The following AGAP1 variants were observed in gnomAD, a reference collection of about 807,000 sequenced individuals.
AGAP1 encodes the protein ArfGAP with GTPase domain, ankyrin repeat and PH domain 1, also known as arf-GAP with GTPase, ANK repeat and PH domain-containing protein 1.
AGAP1 carries 29 observed loss-of-function variants against 105.3 expected under a neutral mutation model. That is an observed-to-expected ratio of 0.28 (90% CI 0.21 to 0.38). The LOEUF (loss-of-function observed/expected upper bound fraction) is 0.38. Among genes scored for constraint, AGAP1 ranks in the 10% least tolerant of loss-of-function variants. The pLI, the probability that AGAP1 is intolerant of heterozygous loss-of-function variation, is 1.00. For synonymous variants in AGAP1, 509 were observed against 485.9 expected, an observed-to-expected ratio of 1.05 and a Z score of -0.63; for missense variants, 998 against 1,165.1, an observed-to-expected ratio of 0.86 and a Z score of 2.09.
At chr2:235,991,373 T>G (rs1487666769) in intron 13 of AGAP1, among the ~76,000 whole-genome samples, 1 of 152,152 alleles carries the variant, frequency 6.6e-6, no homozygotes, top group Non-Finnish European at 1.5e-5. Flanking sequence ...ATCAGAAAAT[T>G]GGACAGTTTT....
At chr2:236,102,401 G>A (rs1175883674) in intron 16 of AGAP1, among the ~76,000 whole-genome samples, 1 of 136,766 alleles carries the variant, frequency 7.3e-6, no homozygotes, top group African/African-American at 2.8e-5. Context: ...CTGGGCGACA[G>A]AGCGAGACTC....
rs1480125240 is a variant in AGAP1, at chr2:235,610,761, G to T, written c.164-98418G>T. Among the ~76,000 whole-genome samples, 1 of 152,106 alleles carries T rather than the reference G, an allele frequency of 6.6e-6. No individual in the cohort carries two copies. The highest frequency in any genetic ancestry group is 2.4e-5 in the African/African-American group (1 of 41,416). ...CCCTGCCCTGGAGTGGAAACCCTGG[G>T]CTGGGGAGGAGGTGCGCTAAGACTG... On this transcript the variant is annotated intron_variant, in intron 1 of 17. Coordinates refer to ENST00000304032, the MANE Select transcript of AGAP1 (RefSeq NM_001037131.3). This position sits in a 1 kb window ranked among gnomAD's most constrained non-coding sequence, Gnocchi z 4.9.
In AGAP1 at chr2:236,058,175, G is replaced by C. The variant is rs534006870; in HGVS notation, c.2114+8894G>C. 7.2e-5 allele frequency among the ~76,000 whole-genome samples: 11 copies of C among 152,288 alleles called. No homozygotes were observed. In the South Asian group the frequency reaches 1.9e-3, roughly 26 times the overall value. ...ATTAAAGTTTGAGACACTCTGGTCT[G>C]CACTAAGTAGTAAAAATAAAAGTCC... On this transcript the variant is annotated intron_variant, in intron 16 of 17. Coordinates refer to ENST00000304032, the MANE Select transcript of AGAP1 (RefSeq NM_001037131.3). The surrounding 1 kb of genome is among the most constrained non-coding windows in gnomAD (Gnocchi z 4.6).
Position 235,988,501 on chromosome 2 carries a change from C to T in AGAP1, c.1645+19878C>T, listed in dbSNP as rs986218915. Reference sequence around the variant, plus strand: ...TCAGGAAGTGATTTCTGAACTTTAGCGTAAGTGTTCTCTGGCAGGTATGGC... The same window carrying T: ...TCAGGAAGTGATTTCTGAACTTTAGTGTAAGTGTTCTCTGGCAGGTATGGC... On this transcript the variant is annotated intron_variant, in intron 13 of 17. Transcript: ENST00000304032. The surrounding 1 kb of genome is among the most constrained non-coding windows in gnomAD (Gnocchi z 4.7). Among the ~76,000 whole-genome samples the T allele has an allele frequency of 2.6e-5, 4 of 152,178 alleles. No homozygotes were observed. Among genetic ancestry groups the T allele is most frequent in the Middle Eastern group, 3.4e-3 (1 of 294 alleles).
chr2:235,670,814 C>T, intron 1 of AGAP1: 3 of 1,428,964 alleles, frequency 2.1e-6, no homozygotes, highest in Non-Finnish European at 2.8e-6. Context: ...GAACCGCACG[C>T]TGGACAACAG....
chr2:235,676,721 T>C (rs917630908), intron 1 of AGAP1, among the ~76,000 whole-genome samples: 1 of 152,264 alleles, frequency 6.6e-6, no homozygotes, highest in Non-Finnish European at 1.5e-5. Flanking sequence ...TTGTTTCTGA[T>C]AGGAATTCTC....
intron 11 of AGAP1, among the ~76,000 whole-genome samples, chr2:235,920,508 G>A (rs1263309078): frequency 2.0e-5 from 3 of 152,020 alleles, no homozygotes; most frequent in Admixed American, 6.6e-5. Flanking sequence ...CATTGGCATC[G>A]CTCTGATCAT....
Position 235,645,851 on chromosome 2 carries a change from C to T in AGAP1, c.164-63328C>T, listed in dbSNP as rs558781184. Among the ~76,000 whole-genome samples the T allele has an allele frequency of 6.6e-5, 10 of 152,198 alleles. No homozygotes were observed. In the South Asian group the frequency reaches 1.9e-3, roughly 28 times the overall value. ...TTAGAGAGCTTTTCTAATTTTTGAG[C>T]GAGGGTCTTGTCTGAGAATTATAGC... is the stretch of plus-strand genomic sequence containing the variant. On this transcript the variant is annotated intron_variant, in intron 1 of 17. Transcript: ENST00000304032.
Position 235,642,992 on chromosome 2 carries a change from C to T in AGAP1, c.164-66187C>T, listed in dbSNP as rs536012313. On this transcript the variant is annotated intron_variant, in intron 1 of 17. Transcript: ENST00000304032. This position sits in a 1 kb window ranked among gnomAD's most constrained non-coding sequence, Gnocchi z 4.1. ...GTGGAGGTGACTGTAGGATTAGCCC[C>T]GGCTTTGCAGCAGGTTTTCTTGGGA... Among the ~76,000 whole-genome samples, 10 of 152,212 alleles carry T rather than the reference C, an allele frequency of 6.6e-5. 1 individual carries two copies. The highest frequency in any genetic ancestry group is 6.2e-4 in the South Asian group (3 of 4,816).
rs1490308597 is a variant in AGAP1, at chr2:235,615,489, C to T, written c.164-93690C>T. ...TAGGCAGAGAATTTATTAAATCTTG[C>T]CTAAATTTATCCGTAAGCATGGATC... is the stretch of plus-strand genomic sequence containing the variant. On this transcript the variant is annotated intron_variant, in intron 1 of 17. Transcript: ENST00000304032. The surrounding 1 kb of genome is among the most constrained non-coding windows in gnomAD (Gnocchi z 5.0). Among the ~76,000 whole-genome samples, 2 of 152,110 alleles carry T rather than the reference C, an allele frequency of 1.3e-5. No homozygotes were observed. The highest frequency in any genetic ancestry group is 4.8e-5 in the African/African-American group (2 of 41,414).
rs1311581238 is a variant in AGAP1 at position 235,555,494 on chromosome 2, G to C, written c.163+60645G>C. Reference sequence around the variant, plus strand: ...CACATCCAGGGCTGGACTGGGGCCGGCATGGGGGTCACTGGCTGCAAGCGA... The same window carrying C: ...CACATCCAGGGCTGGACTGGGGCCGCCATGGGGGTCACTGGCTGCAAGCGA... On this transcript the variant is annotated intron_variant, in intron 1 of 17. Transcript: ENST00000304032. This position sits in a 1 kb window ranked among gnomAD's most constrained non-coding sequence, Gnocchi z 5.1. 1.3e-5 allele frequency among the ~76,000 whole-genome samples: 2 copies of C among 152,186 alleles called. No homozygotes were observed. The highest frequency in any genetic ancestry group is 2.9e-5 in the Non-Finnish European group (2 of 68,026).
intron 1 of AGAP1, among the ~76,000 whole-genome samples, chr2:235,570,966 G>A (rs1039133096): frequency 6.6e-6 from 1 of 152,218 alleles, no homozygotes; most frequent in African/African-American, 2.4e-5. Flanking sequence ...TCTGCAGGCT[G>A]TACAGGAAGC....
rs576121505 is a variant in AGAP1, at chr2:235,845,313, A to T, written c.1050+37982A>T. ...CTGTAACTAATCCAGCTCAGACCAC[A>T]TGTATGGTGTGCTCAGGGGACCCCC... is the stretch of plus-strand genomic sequence containing the variant. On this transcript the variant is annotated intron_variant, in intron 9 of 17. Transcript: ENST00000304032. This position sits in a 1 kb window ranked among gnomAD's most constrained non-coding sequence, Gnocchi z 4.8. 2.6e-5 allele frequency among the ~76,000 whole-genome samples: 4 copies of T among 152,166 alleles called. No individual in the cohort carries two copies. The highest frequency in any genetic ancestry group is 6.5e-5 in the Admixed American group (1 of 15,290).
intron 16 of AGAP1, among the ~76,000 whole-genome samples, chr2:236,110,888 A>G (rs1048312221): frequency 1.3e-5 from 2 of 152,202 alleles, no homozygotes; most frequent in Admixed American, 6.5e-5. Flanking sequence ...TGGAGGCTGG[A>G]AAGTCCAAGA....
At position 235,571,932 on chromosome 2, in the gene AGAP1, TTGTGTGTG is replaced by T. The variant is rs141898525; in HGVS notation, c.163+77103_163+77110del. On this transcript the variant is annotated intron_variant, in intron 1 of 17. Transcript: ENST00000304032. ...TCTTTAAAGTTGTCTTGCCCACACT[TTGTGTGTG>T]TGTGTGTGTGTGTGTGTGTATACAT... 2.6e-4 allele frequency among the ~76,000 whole-genome samples: 27 copies of T among 103,656 alleles called. 1 individual carries two copies. The highest frequency in any genetic ancestry group is 6.5e-4 in the African/African-American group (16 of 24,484). The allele number at this position is 103,656 out of a possible 152,430, so 68.0% of individuals were successfully genotyped here.
intron 1 of AGAP1, among the ~76,000 whole-genome samples, chr2:235,568,648 G>C (rs1056189863): frequency 6.6e-6 from 1 of 152,198 alleles, no homozygotes; most frequent in African/African-American, 2.4e-5. Flanking sequence ...TCTTGCTGCT[G>C]CTGTAACAGA....
intron 1 of AGAP1, among the ~76,000 whole-genome samples, chr2:235,644,386 CTTG>C (rs1340254566): frequency 2.0e-5 from 3 of 152,136 alleles, no homozygotes; most frequent in African/African-American, 7.2e-5. Context: ...CCTGAGAGCT[CTTG>C]TTGATGTTTA....
rs1950489804 is a variant in AGAP1, at chr2:235,705,404, C to T, written c.164-3775C>T. Among the ~76,000 whole-genome samples the T allele has an allele frequency of 6.6e-6, 1 of 152,176 alleles. No individual in the cohort carries two copies. The highest frequency in any genetic ancestry group is 2.1e-4 in the South Asian group (1 of 4,834). ...TGCGCATATGCCCAGCTGTGTTTCC[C>T]TGAAGCATATTTATCCTTCCAGTGT... is the stretch of plus-strand genomic sequence containing the variant. On this transcript the variant is annotated intron_variant, in intron 1 of 17. Coordinates refer to ENST00000304032, the MANE Select transcript of AGAP1 (RefSeq NM_001037131.3). The surrounding 1 kb of genome is among the most constrained non-coding windows in gnomAD (Gnocchi z 4.9).
chr2:235,859,544 T>TG (rs986948142), intron 9 of AGAP1, among the ~76,000 whole-genome samples: 2 of 150,854 alleles, frequency 1.3e-5, no homozygotes, highest in Non-Finnish European at 1.5e-5. Context: ...CTGAGCAGTT[T>TG]TTTTTTTTTT....
Sources: gnomAD v4.1 joint callset for allele counts (sites outside exome capture counted in the v4.1 genomes callset) on GRCh38, gnomAD v4.1.1 for gene constraint, Gnocchi (gnomAD v3.1) non-coding constraint, MANE v1.5 for transcripts, NCBI Gene and HGNC (gene_info 2026-07-23, HGNC 2026-07-21) for gene names.